Variants in LRRC69 observed in about 807,000 individuals in gnomAD.
The protein encoded by LRRC69 is leucine rich repeat containing 69.
In LRRC69, 42 loss-of-function variants were observed where a neutral mutation model predicts 37.8. The observed-to-expected ratio is 1.11, with a 90% CI of 0.87 to 1.44. The LOEUF is 1.44. LRRC69 is among the 40% of genes most tolerant of loss of function. LRRC69 has a pLI of 0.00. For synonymous variants in LRRC69, 141 were observed against 143.1 expected, an observed-to-expected ratio of 0.99 and a Z score of 0.11; for missense variants, 357 against 401.9, an observed-to-expected ratio of 0.89 and a Z score of 0.96.
At chr8:91,153,284 C>T (rs1205163395) in intron 5 of LRRC69, among the ~76,000 whole-genome samples, 1 of 151,208 alleles carries the variant, frequency 6.6e-6, no homozygotes, top group Non-Finnish European at 1.5e-5. Flanking sequence ...TTTAACGCCC[C>T]ACTGTCAATA....
chr8:91,117,088 A>C (rs1416187793), intron 1 of LRRC69, among the ~76,000 whole-genome samples: 1 of 152,024 alleles, frequency 6.6e-6, no homozygotes, highest in East Asian at 1.9e-4. Flanking sequence ...GCATAGACAG[A>C]CAGTATTTGG....
At chr8:91,151,064 GT>G (rs1172495480) in intron 5 of LRRC69, among the ~76,000 whole-genome samples, 1 of 150,890 alleles carries the variant, frequency 6.6e-6, no homozygotes, top group Admixed American at 6.6e-5. Context: ...TTTTTGAAGG[GT>G]TTTTTGTGTC....
chr8:91,122,421 A>G (rs1194742635), intron 1 of LRRC69, among the ~76,000 whole-genome samples: 6 of 152,066 alleles, frequency 3.9e-5, no homozygotes, highest in East Asian at 1.9e-4. Context: ...TTGCCCATCA[A>G]AAAAAACTCA....
intron 6 of LRRC69, among the ~76,000 whole-genome samples, chr8:91,195,958 G>C (rs1007024300): frequency 1.5e-4 from 23 of 152,264 alleles, no homozygotes; most frequent in African/African-American, 5.3e-4. Context: ...TTTACATTTT[G>C]GCATGATTTT....
chr8:91,185,295 C>T lies in LRRC69; in HGVS notation c.652-4227C>T, dbSNP rs926667282. The stretch of plus-strand genomic sequence containing the variant: ...TGGGCTTGGGGGCCTTCATCTGCTT[C>T]TCCCTGACTAGAATGAGGAAGGTCT... On this transcript the variant is annotated intron_variant, in intron 5 of 7. Transcript: ENST00000448384. Among the ~76,000 whole-genome samples the T allele has an allele frequency of 3.3e-5, 5 of 152,130 alleles. No homozygotes were observed. The South Asian group carries it at 6.2e-4, about 19-fold the overall frequency.
chr8:91,146,211 A>G (rs6471267), intron 5 of LRRC69, among the ~76,000 whole-genome samples: 102,046 of 151,280 alleles, frequency 0.67, 34,906 homozygotes, highest in Middle Eastern at 0.74. Context: ...TATTCTTCTA[A>G]CCAAGTACCT....
intron 1 of LRRC69, among the ~76,000 whole-genome samples, chr8:91,110,161 T>G (rs910089468): frequency 1.3e-5 from 2 of 152,160 alleles, no homozygotes; most frequent in South Asian, 2.1e-4. Flanking sequence ...ATGTGAATAT[T>G]TACTCTTCTT....
rs1181436828 is a variant in LRRC69 at position 91,133,127 on chromosome 8, AT to A, written c.402del (p.Tyr134Ter). The A allele has an allele frequency of 6.7e-7, 1 of 1,484,314 alleles. No individual in the cohort carries two copies. Among genetic ancestry groups the A allele is most frequent in the Admixed American group, 2.5e-5 (1 of 40,560 alleles). The allele number at this position is 1,484,314 out of a possible 1,614,324, so 91.9% of individuals were successfully genotyped here. On this transcript the variant is annotated frameshift_variant, in exon 4 of 8. Transcript: ENST00000448384. LOFTEE classifies it high-confidence loss of function. ...TTTTTTAGATTAAAAAGTCTTACTT[AT>A]ATGAGTATAAATTATAACCAACTAG...
At chr8:91,122,839 C>A (rs1016280076) in intron 1 of LRRC69, among the ~76,000 whole-genome samples, 1 of 152,034 alleles carries the variant, frequency 6.6e-6, no homozygotes, top group African/African-American at 2.4e-5. Flanking sequence ...AAGATGCCCA[C>A]ACCTAATCCC....
chr8:91,175,454 T>C (rs1385757423), intron 5 of LRRC69, among the ~76,000 whole-genome samples: 1 of 152,158 alleles, frequency 6.6e-6, no homozygotes, highest in Non-Finnish European at 1.5e-5. Context: ...TATTTCAGCT[T>C]CCAGAACTAA....
intron 5 of LRRC69, among the ~76,000 whole-genome samples, chr8:91,156,964 C>T (rs1808846538): frequency 6.6e-6 from 1 of 150,906 alleles, no homozygotes; most frequent in African/African-American, 2.4e-5. Context: ...CTATTCTGTT[C>T]CATTGGTCTA....
At chr8:91,110,780 C>T (rs73694389) in intron 1 of LRRC69, among the ~76,000 whole-genome samples, 4,467 of 152,062 alleles carry the variant, frequency 0.029, 211 homozygotes, top group African/African-American at 0.1. Flanking sequence ...GAGAGGCTGT[C>T]TGGTCCAAGT....
chr8:91,185,808 C>T, intron 5 of LRRC69, among the ~76,000 whole-genome samples: 1 of 152,066 alleles, frequency 6.6e-6, no homozygotes, highest in East Asian at 1.9e-4. Context: ...TCCCAGTTCT[C>T]ACTAAAGAGT....
chr8:91,158,544 C>A, intron 5 of LRRC69: 3 of 1,159,514 alleles, frequency 2.6e-6, no homozygotes, highest in Non-Finnish European at 3.9e-6. Context: ...ACACACTGTA[C>A]ATTTTCACGG....
intron 6 of LRRC69, among the ~76,000 whole-genome samples, chr8:91,193,853 C>G (rs1388817274): frequency 1.5e-5 from 2 of 132,306 alleles, no homozygotes; most frequent in Non-Finnish European, 3.2e-5. Flanking sequence ...CTTCTCCTGC[C>G]TAATTGCCCT....
chr8:91,204,066 G>A (rs1809756958), intron 7 of LRRC69, among the ~76,000 whole-genome samples: 2 of 149,856 alleles, frequency 1.3e-5, no homozygotes, highest in South Asian at 4.3e-4. Context: ...AGCTTGCAGT[G>A]AGCCGAGATC....
intron 5 of LRRC69, among the ~76,000 whole-genome samples, chr8:91,160,851 G>A (rs1240870818): frequency 6.6e-6 from 1 of 151,226 alleles, no homozygotes; most frequent in East Asian, 1.9e-4. Context: ...TCCTTGTCTT[G>A]CTCCAGATTT....
At position 91,121,941 on chromosome 8, in the gene LRRC69, T is replaced by C. The variant is rs567288014; in HGVS notation, c.184-2552T>C. Among the ~76,000 whole-genome samples the C allele has an allele frequency of 7.2e-5, 11 of 152,086 alleles. 1 individual carries two copies. Among genetic ancestry groups the C allele is most frequent in the East Asian group, 1.9e-4 (1 of 5,196 alleles). On this transcript the variant is annotated intron_variant, in intron 1 of 7. Coordinates refer to ENST00000448384, the Ensembl canonical transcript of LRRC69. ...AAACCAAAACTGAAACCCACCCTGCTTTACAGTCAAGATTGATTATAATCT... is the reference window on the plus strand; with the variant it reads ...AAACCAAAACTGAAACCCACCCTGCCTTACAGTCAAGATTGATTATAATCT...
chr8:91,177,270 T>A (rs1809248569), intron 5 of LRRC69, among the ~76,000 whole-genome samples: 1 of 152,106 alleles, frequency 6.6e-6, no homozygotes, highest in African/African-American at 2.4e-5. Context: ...GTAAATGTTA[T>A]CAGAGTTTTA....
Sources: gnomAD v4.1 joint callset for allele counts (sites outside exome capture counted in the v4.1 genomes callset) on GRCh38, gnomAD v4.1.1 for gene constraint, MANE v1.5 for transcripts, NCBI Gene and HGNC (gene_info 2026-07-23, HGNC 2026-07-21) for gene names.